Variants in DHX38 observed in about 807,000 individuals in gnomAD.
The protein encoded by DHX38 is pre-mRNA-splicing factor ATP-dependent RNA helicase PRP16.
In DHX38, 100 loss-of-function variants were observed where a neutral mutation model predicts 153.1. The ratio of observed to expected loss-of-function variants is 0.65; its 90% confidence interval spans 0.56 to 0.77. The LOEUF is 0.77. Among genes scored for constraint, DHX38 ranks in the 30% least tolerant of loss-of-function variants. DHX38 has a pLI of 0.00. For missense variants in DHX38, 1,440 were observed against 1,654.0 expected (o/e 0.87, Z 2.24); for synonymous variants, 650 against 631.7 (o/e 1.03, Z -0.43).
rs2042136498 is a variant in DHX38, at chr16:72,103,960, C to T, written c.1839C>T (p.Ile613=). Residue 613 remains isoleucine (I), a synonymous_variant, in exon 14 of 27, where the codon ATC becomes ATT. Coordinates refer to ENST00000268482, the MANE Select transcript of DHX38 (RefSeq NM_014003.4). ...GNLGEEVGYA[I]RFEDCTSENT... ...CTGACCTCCAGGTGGGCTATGCCAT[C>T]CGCTTTGAAGACTGCACTTCAGAGA... 2 of 1,613,994 alleles carry T rather than the reference C, an allele frequency of 1.2e-6. No homozygotes were observed. Among genetic ancestry groups the T allele is most frequent in the African/African-American group, 1.3e-5 (1 of 74,926 alleles).
Position 72,095,477 on chromosome 16 carries a change from G to C in DHX38, c.-19-662G>C, listed in dbSNP as rs141532164. ...TGTTGTTTAAAGAGAGGAAGAGGTAGAACTCATGTAAAAAAATGGGTGAGG... is the reference window on the plus strand; with the variant it reads ...TGTTGTTTAAAGAGAGGAAGAGGTACAACTCATGTAAAAAAATGGGTGAGG... On this transcript the variant is annotated intron_variant, in intron 1 of 26. Coordinates refer to ENST00000268482, the MANE Select transcript of DHX38 (RefSeq NM_014003.4). 7.7e-4 allele frequency among the ~76,000 whole-genome samples: 117 copies of C among 152,272 alleles called. 1 individual carries two copies. The highest frequency in any genetic ancestry group is 2.8e-3 in the African/African-American group (115 of 41,532).
intron 3 of DHX38, chr16:72,097,289 T>A (rs975925198): frequency 2.5e-6 from 1 of 398,528 alleles, no homozygotes; most frequent in Non-Finnish European, 4.5e-6. Flanking sequence ...GAGACCAGCA[T>A]TTCTAATAGT....
chr16:72,110,570 C>T (rs1285536920), intron 25 of DHX38, among the ~76,000 whole-genome samples: 1 of 152,236 alleles, frequency 6.6e-6, no homozygotes, highest in African/African-American at 2.4e-5. Flanking sequence ...TGGCTTACCC[C>T]TTTTCGTAGC....
At chr16:72,106,878 A>AT (rs1322973114) in intron 19 of DHX38, among the ~76,000 whole-genome samples, 1 of 152,248 alleles carries the variant, frequency 6.6e-6, no homozygotes, top group Non-Finnish European at 1.5e-5. Flanking sequence ...GGTTCTAGAA[A>AT]TGAAACAGAT....
intron 1 of DHX38, chr16:72,094,586 T>C (rs1193501062): frequency 6.6e-6 from 1 of 152,236 alleles, no homozygotes; most frequent in Non-Finnish European, 1.5e-5. Flanking sequence ...TCGTACGCCT[T>C]GTAGTTTCTT....
rs2042078804 is a variant in DHX38 at position 72,099,990 on chromosome 16, G to C, written c.1116+103G>C. 4 of 1,447,292 alleles carry C rather than the reference G, an allele frequency of 2.8e-6. No homozygotes were observed. In the African/African-American group the frequency reaches 4.2e-5, roughly 15 times the overall value. 89.7% of individuals were successfully genotyped at this position (1,447,292 alleles called of 1,614,324 possible). ...GTGAGGGCAGCACAGCTTGTCCCCT[G>C]ATTGCCGAGAAGCCCAGATCCTCTG... On this transcript the variant is annotated intron_variant, in intron 8 of 26. Transcript: ENST00000268482.
Position 72,104,375 on chromosome 16 carries a change from G to C in DHX38, c.2011-111G>C. 7.0e-7 allele frequency: 1 copy of C among 1,437,216 alleles called. No homozygotes were observed. Among genetic ancestry groups the C allele is most frequent in the Non-Finnish European group, 9.4e-7 (1 of 1,066,214 alleles). The allele number at this position is 1,437,216 out of a possible 1,614,324, so 89.0% of individuals were successfully genotyped here. Reference sequence around the variant, plus strand: ...TTCATGATTGGTAAGAATTGAATAGGCCCATTTGTCAGCTTTGGCTTGTGT... The same window carrying C: ...TTCATGATTGGTAAGAATTGAATAGCCCCATTTGTCAGCTTTGGCTTGTGT... On this transcript the variant is annotated intron_variant, in intron 14 of 26. Transcript: ENST00000268482. The surrounding 1 kb of genome is among the most constrained non-coding windows in gnomAD (Gnocchi z 4.5).
At chr16:72,106,159 G>A in intron 19 of DHX38, 42 bp downstream of exon 19, 1 of 1,597,332 alleles carries the variant, frequency 6.3e-7, no homozygotes, top group South Asian at 1.1e-5. Flanking sequence ...GCAGCGCTGG[G>A]GTTGCTGAGC....
chr16:72,098,167 T>A (rs1330025820), intron 4 of DHX38, among the ~76,000 whole-genome samples: 1 of 152,224 alleles, frequency 6.6e-6, no homozygotes, highest in African/African-American at 2.4e-5. Flanking sequence ...GTGCAGTGGC[T>A]CATACCTGTA....
chr16:72,107,440 C>T lies in DHX38; in HGVS notation c.2701C>T (p.Leu901Phe), dbSNP rs1401064815. Residue 901 changes from leucine (L) to phenylalanine (F), a missense_variant, in exon 20 of 27, where the codon CTC becomes TTC. Around this residue, in one of 6 missense-constraint regions of DHX38, gnomAD observed 543 missense variants for 717.9 expected, o/e 0.76. Transcript: ENST00000268482. The surrounding 1 kb of genome is among the most constrained non-coding windows in gnomAD (Gnocchi z 5.3). Reference protein sequence around the residue: ...LANVVLLLKSLGVQDLLQFHF... With the variant: ...LANVVLLLKSFGVQDLLQFHF... ...CAACGTGGTGCTGCTGCTCAAGTCC[C>T]TCGGGGTGCAGGACCTGCTGCAGTT... 1 of 1,614,082 alleles carries T rather than the reference C, an allele frequency of 6.2e-7. No individual in the cohort carries two copies. Among genetic ancestry groups the T allele is most frequent in the Non-Finnish European group, 8.5e-7 (1 of 1,180,046 alleles).
Position 72,094,045 on chromosome 16 carries a change from T to G in DHX38, c.-26T>G, listed in dbSNP as rs148924934. Reference sequence around the variant, plus strand: ...ACAGAAGGGTCCCAAGAGTCGCGCTTGGTGAGGTGAGAGTCCCTTCTTCCT... The same window carrying G: ...ACAGAAGGGTCCCAAGAGTCGCGCTGGGTGAGGTGAGAGTCCCTTCTTCCT... On this transcript the variant is annotated 5_prime_UTR_variant, in exon 1 of 27. Transcript: ENST00000268482. 3 of 152,442 alleles carry G rather than the reference T, an allele frequency of 2.0e-5. No homozygotes were observed. The East Asian group carries it at 5.8e-4, about 29-fold the overall frequency. 9.4% of individuals were successfully genotyped at this position (152,442 alleles called of 1,614,324 possible).
At chr16:72,094,995 T>C (rs2041989941) in intron 1 of DHX38, among the ~76,000 whole-genome samples, 1 of 152,242 alleles carries the variant, frequency 6.6e-6, no homozygotes, top group Admixed American at 6.5e-5. Context: ...CCTGATGGCA[T>C]TTTCAAAATG....
At chr16:72,098,839 G>A (rs377724141) in intron 5 of DHX38, 47 bp downstream of exon 5, 115 of 1,613,242 alleles carry the variant, frequency 7.1e-5, no homozygotes, top group Admixed American at 3.3e-4. Context: ...TGGGCGGTAA[G>A]GAGCCTCGGC....
At chr16:72,096,079 A>T in intron 1 of DHX38, 60 bp from the exon 2 acceptor site, 1 of 1,490,644 alleles carries the variant, frequency 6.7e-7, no homozygotes, top group Non-Finnish European at 9.0e-7. Context: ...AACTGCATTT[A>T]TTGTGGGATA....
Position 72,112,757 on chromosome 16 carries a change from G to GC in DHX38, c.*261dup. 1.4e-6 allele frequency: 1 copy of GC among 703,108 alleles called. No homozygotes were observed. The highest frequency in any genetic ancestry group is 1.5e-5 in the South Asian group (1 of 67,596). The allele number at this position is 703,108 out of a possible 1,614,324, so 43.6% of individuals were successfully genotyped here. A position where few individuals can be genotyped will look rare whatever the true frequency, so the allele number is the denominator to read the frequency against. On this transcript the variant is annotated 3_prime_UTR_variant, in exon 27 of 27. Coordinates refer to ENST00000268482, the MANE Select transcript of DHX38 (RefSeq NM_014003.4). ...GCAGCGGGAGGTGGCTGGACCCATC[G>GC]CATCTAAAACTGGCCCAGGACACTT...
Position 72,112,641 on chromosome 16 carries a change from C to A in DHX38, c.*144C>A. Reference sequence around the variant, plus strand: ...GCCCCCCAGGGCAGTTCCTGCTGGACCAGACTCTCTGGCAGAGGAGGTGGA... The same window carrying A: ...GCCCCCCAGGGCAGTTCCTGCTGGAACAGACTCTCTGGCAGAGGAGGTGGA... On this transcript the variant is annotated 3_prime_UTR_variant, in exon 27 of 27. Coordinates refer to ENST00000268482, the MANE Select transcript of DHX38 (RefSeq NM_014003.4). 1.1e-6 allele frequency: 1 copy of A among 871,118 alleles called. No homozygotes were observed. Among genetic ancestry groups the A allele is most frequent in the Non-Finnish European group, 1.9e-6 (1 of 538,328 alleles). 54.0% of individuals were successfully genotyped at this position (871,118 alleles called of 1,614,324 possible).
At position 72,107,891 on chromosome 16, in the gene DHX38, G is replaced by C; in HGVS notation, c.2964+92G>C. On this transcript the variant is annotated intron_variant, in intron 21 of 26. Coordinates refer to ENST00000268482, the MANE Select transcript of DHX38 (RefSeq NM_014003.4). The surrounding 1 kb of genome is among the most constrained non-coding windows in gnomAD (Gnocchi z 5.3). Reference sequence around the variant, plus strand: ...CTCTCTGTATTACTGAAATGGAACAGAGGGCAGAATCAGAGTTTCTGAAGA... The same window carrying C: ...CTCTCTGTATTACTGAAATGGAACACAGGGCAGAATCAGAGTTTCTGAAGA... The C allele has an allele frequency of 6.7e-7, 1 of 1,496,268 alleles. No individual in the cohort carries two copies. 92.7% of individuals were successfully genotyped at this position (1,496,268 alleles called of 1,614,324 possible).
At chr16:72,109,382 G>A (rs746983567) in intron 24 of DHX38, 33 bp from the exon 25 acceptor site, 16 of 1,607,630 alleles carry the variant, frequency 1.0e-5, no homozygotes, top group Middle Eastern at 1.8e-4. Flanking sequence ...TGGCCCTCCT[G>A]TGACCCTCGC....
chr16:72,099,148 G>A, intron 6 of DHX38, 56 bp from the exon 7 acceptor site: 3 of 1,592,632 alleles, frequency 1.9e-6, no homozygotes, highest in Non-Finnish European at 2.6e-6. Context: ...AGATCTGTCT[G>A]GGGCCGCTGG....
Sources: allele counts gnomAD v4.1 joint callset (sites outside exome capture counted in the v4.1 genomes callset), GRCh38; gene constraint gnomAD v4.1.1; regional missense constraint gnomAD v4.1.1; non-coding constraint Gnocchi (gnomAD v3.1); transcripts MANE v1.5; gene names NCBI Gene and HGNC (gene_info 2026-07-23, HGNC 2026-07-21).